NRXN3: variants seen among roughly 807,000 people sequenced by gnomAD.
The protein encoded by NRXN3 is neurexin III.
Under a neutral mutation model 137.6 loss-of-function variants are expected in NRXN3, and 32 were observed. The observed-to-expected ratio is 0.23, with a 90% CI of 0.18 to 0.31. The LOEUF (loss-of-function observed/expected upper bound fraction) is 0.31. NRXN3 is among the 10% of genes least tolerant of loss of function. NRXN3 has a pLI of 1.00. For missense variants in NRXN3, 1,574 were observed against 2,062.5 expected, an observed-to-expected ratio of 0.76 and a Z score of 4.59; for synonymous variants, 798 against 784.5, an observed-to-expected ratio of 1.02 and a Z score of -0.29.
intron 4 of NRXN3, among the ~76,000 whole-genome samples, chr14:78,610,547 A>C (rs2097292110): frequency 6.6e-6 from 1 of 152,204 alleles, no homozygotes; most frequent in South Asian, 2.1e-4. Context: ...TGTAATGGGG[A>C]AACACTCACT....
At chr14:79,255,934 A>C (rs1597897694) in intron 15 of NRXN3, among the ~76,000 whole-genome samples, 2 of 152,180 alleles carry the variant, frequency 1.3e-5, no homozygotes, top group Non-Finnish European at 2.9e-5. Context: ...AATAATGGAA[A>C]TTTGCCATGG....
rs553957969 is a variant in NRXN3 at position 79,094,979 on chromosome 14, A to AGAGAGTGTGTGTGT, written c.3262+106839_3262+106840insAGAGTGTGTGTGTG. 5.3e-3 allele frequency among the ~76,000 whole-genome samples: 614 copies of AGAGAGTGTGTGTGT among 115,900 alleles called. 1 individual carries two copies. Among genetic ancestry groups the AGAGAGTGTGTGTGT allele is most frequent in the African/African-American group, 0.018 (547 of 31,132 alleles). 76.0% of individuals were successfully genotyped at this position (115,900 alleles called of 152,430 possible). Reference sequence around the variant, plus strand: ...GAGAGAGAGAGAGAGAGAGAGAGAGAGTGTGTGTGTGTGTGTGTGTGTGTG... The same window carrying AGAGAGTGTGTGTGT: ...GAGAGAGAGAGAGAGAGAGAGAGAGAGAGAGTGTGTGTGTGTGTGTGTGTGTGTGTGTGTGTGTG... On this transcript the variant is annotated intron_variant, in intron 15 of 20. Transcript: ENST00000335750.
intron 4 of NRXN3, among the ~76,000 whole-genome samples, chr14:78,500,799 G>A (rs116350968): frequency 1.3e-5 from 2 of 152,090 alleles, no homozygotes; most frequent in African/African-American, 2.4e-5. Context: ...CTGCTCCTTT[G>A]TTTATTCAGC....
intron 4 of NRXN3, among the ~76,000 whole-genome samples, chr14:78,406,743 A>G (rs1598329114): frequency 6.6e-6 from 1 of 152,166 alleles, no homozygotes; most frequent in Non-Finnish European, 1.5e-5. Flanking sequence ...ACTGATCCCA[A>G]AACTACCTTG....
chr14:78,480,783 A>T (rs2095459731), intron 4 of NRXN3, among the ~76,000 whole-genome samples: 1 of 152,200 alleles, frequency 6.6e-6, no homozygotes, highest in Admixed American at 6.5e-5. Flanking sequence ...TTTTATTAAA[A>T]AATGGAGCAG....
chr14:79,705,354 G>A (rs370907741), intron 19 of NRXN3, among the ~76,000 whole-genome samples: 2 of 152,046 alleles, frequency 1.3e-5, no homozygotes, highest in South Asian at 2.1e-4. Context: ...TTTCCACCAC[G>A]TTGCTCCAAT....
At chr14:79,849,802 C>G (rs964236885) in intron 20 of NRXN3, among the ~76,000 whole-genome samples, 51 of 152,300 alleles carry the variant, frequency 3.3e-4, no homozygotes, top group African/African-American at 1.2e-3. Context: ...ATCTGCACTC[C>G]ATGTTCATTG....
intron 4 of NRXN3, among the ~76,000 whole-genome samples, chr14:78,401,707 C>T (rs1388879658): frequency 2.0e-5 from 3 of 152,100 alleles, no homozygotes. Context: ...GAACAAATAG[C>T]CAGTCTCTGG....
intron 15 of NRXN3, among the ~76,000 whole-genome samples, chr14:79,147,979 G>T (rs1230308446): frequency 6.6e-6 from 1 of 152,036 alleles, no homozygotes; most frequent in East Asian, 1.9e-4. Context: ...TGGAATTTGT[G>T]GTCCTTCTAC....
Position 79,188,397 on chromosome 14 carries a change from T to TA in NRXN3, c.3262+200256_3262+200257insA, listed in dbSNP as rs11449630. 8.3e-3 allele frequency among the ~76,000 whole-genome samples: 142 copies of TA among 17,062 alleles called. 4 individuals carry two copies. In the South Asian group the frequency reaches 0.25, roughly 30 times the overall value. The allele number at this position is 17,062 out of a possible 152,430, so 11.2% of individuals were successfully genotyped here. A position where few individuals can be genotyped will look rare whatever the true frequency, so the allele number is the denominator to read the frequency against. ...AGCCCTTTGGCTTGTACAATACATA[T>TA]TTTTTTTTTTAGAATATACTGGAAA... On this transcript the variant is annotated intron_variant, in intron 15 of 20. Coordinates refer to ENST00000335750, the MANE Select transcript of NRXN3 (RefSeq NM_001330195.2).
intron 10 of NRXN3, among the ~76,000 whole-genome samples, chr14:78,911,479 T>TATATTTTAGTC (rs2099237425): frequency 6.6e-6 from 1 of 152,196 alleles, no homozygotes; most frequent in Non-Finnish European, 1.5e-5. Context: ...CAAGAATTAT[T>TATATTTTAGTC]ATATTTTAGT....
At chr14:78,577,528 C>T (rs34792447) in intron 4 of NRXN3, among the ~76,000 whole-genome samples, 6,041 of 152,040 alleles carry the variant, frequency 0.04, 171 homozygotes, top group African/African-American at 0.084. Context: ...TGCAATGGCA[C>T]GATCCCTGCT....
At chr14:79,751,163 G>A (rs1056175537) in intron 19 of NRXN3, among the ~76,000 whole-genome samples, 1 of 152,136 alleles carries the variant, frequency 6.6e-6, no homozygotes, top group Non-Finnish European at 1.5e-5. Context: ...ACCTTGGGCA[G>A]TGTGGCCATT....
intron 19 of NRXN3, among the ~76,000 whole-genome samples, chr14:79,735,496 G>T (rs1282640617): frequency 6.6e-6 from 1 of 152,154 alleles, no homozygotes; most frequent in South Asian, 2.1e-4. Flanking sequence ...AAAATTTTAG[G>T]AGGATTTGTT....
chr14:78,274,872 CT>C (rs1237667299), intron 2 of NRXN3, among the ~76,000 whole-genome samples: 3 of 152,158 alleles, frequency 2.0e-5, no homozygotes, highest in African/African-American at 4.8e-5. Flanking sequence ...ATCAGGATTA[CT>C]TTTTCCCCCT....
intron 19 of NRXN3, among the ~76,000 whole-genome samples, chr14:79,729,314 G>A (rs2098912509): frequency 6.6e-6 from 1 of 152,048 alleles, no homozygotes; most frequent in Non-Finnish European, 1.5e-5. Context: ...CCCATATTTG[G>A]ATTCAAGTTT....
At chr14:78,418,346 G>A (rs771450926) in intron 4 of NRXN3, among the ~76,000 whole-genome samples, 2 of 152,074 alleles carry the variant, frequency 1.3e-5, no homozygotes, top group Non-Finnish European at 2.9e-5. Flanking sequence ...TTCTCTGAAG[G>A]GCCCACATTT....
At chr14:79,241,153 A>T (rs1313503229) in intron 15 of NRXN3, among the ~76,000 whole-genome samples, 1 of 152,134 alleles carries the variant, frequency 6.6e-6, no homozygotes, top group Non-Finnish European at 1.5e-5. Context: ...TCACATGGTC[A>T]GGTTTAGAGG....
intron 1 of NRXN3, among the ~76,000 whole-genome samples, chr14:78,236,468 C>G (rs960877538): frequency 1.3e-5 from 2 of 152,192 alleles, no homozygotes; most frequent in Non-Finnish European, 2.9e-5. Context: ...TTTATCCACT[C>G]TACTGCAGGT....
Sources: gnomAD v4.1 joint callset for allele counts (sites outside exome capture counted in the v4.1 genomes callset) on GRCh38, gnomAD v4.1.1 for gene constraint, MANE v1.5 for transcripts, NCBI Gene and HGNC (gene_info 2026-07-23, HGNC 2026-07-21) for gene names.